The following LNPK variants were observed in gnomAD, a reference collection of about 807,000 sequenced individuals.
The protein encoded by LNPK is lunapark, ER junction formation factor, also known as endoplasmic reticulum junction formation protein lunapark.
In LNPK, 29 loss-of-function variants were observed where a neutral mutation model predicts 55.2. The ratio of observed to expected loss-of-function variants is 0.53; its 90% CI spans 0.39 to 0.72. LNPK has a LOEUF of 0.72. Among genes scored for constraint, LNPK ranks in the 30% least tolerant of loss-of-function variants. The pLI, the probability that LNPK is intolerant of heterozygous loss-of-function variation, is 0.00. For synonymous variants in LNPK, 162 were observed against 168.2 expected (o/e 0.96, Z 0.29); for missense variants, 467 against 494.8 (o/e 0.94, Z 0.53).
intron 8 of LNPK, among the ~76,000 whole-genome samples, chr2:175,958,316 G>A (rs1231251431): frequency 2.0e-5 from 3 of 152,100 alleles, no homozygotes; most frequent in East Asian, 1.9e-4. Flanking sequence ...AGTAGGGGTC[G>A]ACCGACACCT....
intron 2 of LNPK, among the ~76,000 whole-genome samples, chr2:175,993,823 T>TA (rs1687812010): frequency 6.6e-6 from 1 of 151,954 alleles, no homozygotes; most frequent in African/African-American, 2.4e-5. Context: ...TTAAAAAATT[T>TA]AAAAAACACA....
intron 12 of LNPK, among the ~76,000 whole-genome samples, chr2:175,936,492 T>C (rs1464956356): frequency 6.6e-6 from 1 of 152,176 alleles, no homozygotes. Flanking sequence ...GGTAAATAAA[T>C]TATGTGAACT....
In LNPK at chr2:175,947,576, G is replaced by C. The variant is rs1198686323; in HGVS notation, c.610C>G (p.Pro204Ala). ...SPGPPKDSSA[P>A]GGPPERTVTP... ...ACAGTCCTTTCTGGGGGTCCACCAG[G>C]GGCAGAACTGTCCTTTGGTGGTCCA... Residue 204 changes from proline (P) to alanine (A), a missense_variant, in exon 9 of 13, where the codon CCT becomes GCT. Transcript: ENST00000272748. 1.2e-6 allele frequency: 2 copies of C among 1,614,004 alleles called. No individual in the cohort carries two copies. The highest frequency in any genetic ancestry group is 1.7e-6 in the Non-Finnish European group (2 of 1,179,924).
intron 10 of LNPK, chr2:175,938,804 T>C (rs539956062): frequency 6.5e-6 from 1 of 152,938 alleles, no homozygotes; most frequent in African/African-American, 2.4e-5. Context: ...ACCTGAGATG[T>C]CTTGCGGCAA....
chr2:175,929,864 A>C lies in LNPK; in HGVS notation c.*103T>G. 1 of 1,520,836 alleles carries C rather than the reference A, an allele frequency of 6.6e-7. No homozygotes were observed. The highest frequency in any genetic ancestry group is 8.8e-7 in the Non-Finnish European group (1 of 1,134,756). 94.2% of individuals were successfully genotyped at this position (1,520,836 alleles called of 1,614,324 possible). A position where few individuals can be genotyped will look rare whatever the true frequency, so the allele number is the denominator to read the frequency against. On this transcript the variant is annotated 3_prime_UTR_variant, in exon 13 of 13. Transcript: ENST00000272748. ...GCAATCTGAATTCAAATGATACACA[A>C]GCATACCCTTAGAGGGGCAAAAAAA...
At chr2:175,986,531 G>A (rs1250818219) in intron 4 of LNPK, among the ~76,000 whole-genome samples, 1 of 152,046 alleles carries the variant, frequency 6.6e-6, no homozygotes, top group Non-Finnish European at 1.5e-5. Context: ...CATGTACAGT[G>A]TTATTGTTTC....
intron 4 of LNPK, among the ~76,000 whole-genome samples, chr2:175,981,895 T>C (rs1687190503): frequency 6.7e-6 from 1 of 149,726 alleles, no homozygotes; most frequent in Non-Finnish European, 1.5e-5. Flanking sequence ...TAAACATCTG[T>C]TGTTTTAAGC....
intron 6 of LNPK, among the ~76,000 whole-genome samples, chr2:175,967,460 T>G (rs1686427763): frequency 6.6e-6 from 1 of 152,194 alleles, no homozygotes; most frequent in Admixed American, 6.5e-5. Context: ...TATTTAATAC[T>G]AAAATTATCA....
rs1684100001 is a variant in LNPK at position 175,928,337 on chromosome 2, T to C, written c.*1630A>G. 1 of 152,062 alleles carries C rather than the reference T, an allele frequency of 6.6e-6. No homozygotes were observed. The highest frequency in any genetic ancestry group is 1.5e-5 in the Non-Finnish European group (1 of 68,002). 9.4% of individuals were successfully genotyped at this position (152,062 alleles called of 1,614,324 possible). A position where few individuals can be genotyped will look rare whatever the true frequency, so the allele number is the denominator to read the frequency against. ...ATTACATTATTTTTAATTATCCTAA[T>C]ACCCTTCAAAAATAAACATAACTCT... On this transcript the variant is annotated 3_prime_UTR_variant, in exon 13 of 13. Transcript: ENST00000272748.
chr2:175,977,928 A>G (rs537567053), intron 5 of LNPK, among the ~76,000 whole-genome samples: 1 of 152,304 alleles, frequency 6.6e-6, no homozygotes, highest in East Asian at 1.9e-4. Flanking sequence ...GATGATAACT[A>G]CAGGAGATAA....
chr2:175,953,881 C>T (rs1252585181), intron 8 of LNPK, among the ~76,000 whole-genome samples: 2 of 151,790 alleles, frequency 1.3e-5, no homozygotes, highest in African/African-American at 4.8e-5. Flanking sequence ...AACTCCAGAA[C>T]TATACTACAT....
chr2:175,982,981 AAC>A (rs367765324), intron 4 of LNPK, among the ~76,000 whole-genome samples: 40 of 152,338 alleles, frequency 2.6e-4, no homozygotes, highest in African/African-American at 9.1e-4. Context: ...ACAGAGATAT[AAC>A]TAAAACTCAA....
intron 5 of LNPK, among the ~76,000 whole-genome samples, chr2:175,974,846 T>C (rs1396881659): frequency 6.6e-6 from 1 of 151,910 alleles, no homozygotes; most frequent in Non-Finnish European, 1.5e-5. Context: ...AATGAATTAG[T>C]ACAATTAAAA....
chr2:175,995,483 G>A, intron 2 of LNPK, 75 bp downstream of exon 2: 1 of 1,143,302 alleles, frequency 8.7e-7, no homozygotes, highest in Non-Finnish European at 1.3e-6. Flanking sequence ...ATAATCAAAG[G>A]AGACTTTCAC....
At chr2:175,973,986 G>GA (rs1686773147) in intron 5 of LNPK, among the ~76,000 whole-genome samples, 1 of 152,146 alleles carries the variant, frequency 6.6e-6, no homozygotes, top group Non-Finnish European at 1.5e-5. Context: ...AAGCCACTCA[G>GA]AAACTTTCTT....
chr2:175,957,315 G>A (rs554720026), intron 8 of LNPK, among the ~76,000 whole-genome samples: 8 of 151,868 alleles, frequency 5.3e-5, no homozygotes, highest in Non-Finnish European at 1.2e-4. Flanking sequence ...CCGAGATCAC[G>A]CCACTGCACT....
chr2:175,957,680 T>C (rs935617405), intron 8 of LNPK, among the ~76,000 whole-genome samples: 1 of 152,120 alleles, frequency 6.6e-6, no homozygotes, highest in Admixed American at 6.5e-5. Context: ...CCAACTGAGG[T>C]ACCTGGTTCA....
At chr2:175,981,475 T>C (rs1687170878) in intron 4 of LNPK, among the ~76,000 whole-genome samples, 2 of 152,162 alleles carry the variant, frequency 1.3e-5, no homozygotes, top group Non-Finnish European at 2.9e-5. Context: ...TTATTGGGAT[T>C]TGAATTCAGA....
chr2:175,928,021 A>G lies in LNPK; in HGVS notation c.*1946T>C, dbSNP rs1200517937. 4 of 152,312 alleles carry G rather than the reference A, an allele frequency of 2.6e-5. No individual in the cohort carries two copies. Among genetic ancestry groups the G allele is most frequent in the Non-Finnish European group, 1.5e-5 (1 of 68,020 alleles). The allele number at this position is 152,312 out of a possible 1,614,324, so 9.4% of individuals were successfully genotyped here. A position where few individuals can be genotyped will look rare whatever the true frequency, so the allele number is the denominator to read the frequency against. On this transcript the variant is annotated 3_prime_UTR_variant, in exon 13 of 13. Transcript: ENST00000272748. ...CAACATGACTAAGCAAGATGTTACTAAAATCCATATGGGTCAGTAACATAC... is the reference window on the plus strand; with the variant it reads ...CAACATGACTAAGCAAGATGTTACTGAAATCCATATGGGTCAGTAACATAC...
Sources: allele counts gnomAD v4.1 joint callset (sites outside exome capture counted in the v4.1 genomes callset), GRCh38; gene constraint gnomAD v4.1.1; transcripts MANE v1.5; gene names NCBI Gene and HGNC (gene_info 2026-07-23, HGNC 2026-07-21).